Variants in NALF1 observed in about 807,000 individuals in gnomAD.
NALF1 encodes NALCN channel auxiliary factor 1, also known as family with sequence similarity 155 member A.
NALF1 carries 3 observed loss-of-function variants against 48.4 expected under a neutral mutation model. That is an observed-to-expected ratio of 0.06 (90% CI 0.03 to 0.16). The LOEUF (loss-of-function observed/expected upper bound fraction) is 0.16. Among genes scored for constraint, NALF1 ranks in the 10% least tolerant of loss-of-function variants. NALF1 has a pLI of 1.00. For synonymous variants in NALF1, 262 were observed against 245.7 expected (o/e 1.07, Z -0.62); for missense variants, 526 against 571.5 (o/e 0.92, Z 0.81).
At chr13:107,182,652 A>T (rs1420743327) in intron 2 of NALF1, among the ~76,000 whole-genome samples, 1 of 152,172 alleles carries the variant, frequency 6.6e-6, no homozygotes, top group Non-Finnish European at 1.5e-5. Flanking sequence ...CTTATCCTTT[A>T]AAAAATCGCA....
intron 1 of NALF1, among the ~76,000 whole-genome samples, chr13:107,697,066 GA>G (rs1201964660): frequency 1.3e-5 from 2 of 151,954 alleles, no homozygotes; most frequent in Non-Finnish European, 2.9e-5. Context: ...AAAAAACAAA[GA>G]ATTTGCTATG....
At chr13:107,653,309 T>C (rs1011031820) in intron 1 of NALF1, among the ~76,000 whole-genome samples, 2 of 149,756 alleles carry the variant, frequency 1.3e-5, no homozygotes, top group Non-Finnish European at 3.0e-5. Context: ...GAGAAGGAAA[T>C]TGGGAGTTAC....
At chr13:107,382,860 G>A (rs1194067372) in intron 1 of NALF1, among the ~76,000 whole-genome samples, 1 of 152,186 alleles carries the variant, frequency 6.6e-6, no homozygotes, top group Non-Finnish European at 1.5e-5. Context: ...TTGGCTAAGT[G>A]GCTGGTGTTA....
chr13:107,364,912 T>C, intron 1 of NALF1, among the ~76,000 whole-genome samples: 1 of 139,840 alleles, frequency 7.2e-6, no homozygotes, highest in African/African-American at 2.7e-5. Flanking sequence ...CCTCTCCCTC[T>C]CCCTCTCCCC....
chr13:107,691,467 C>T (rs555364758), intron 1 of NALF1, among the ~76,000 whole-genome samples: 5 of 152,318 alleles, frequency 3.3e-5, no homozygotes, highest in South Asian at 4.1e-4. Flanking sequence ...ATGGCCCACA[C>T]GCCCTTTGCC....
chr13:107,699,001 A>T (rs548508946), intron 1 of NALF1, among the ~76,000 whole-genome samples: 4 of 152,272 alleles, frequency 2.6e-5, no homozygotes, highest in Middle Eastern at 3.4e-3. Context: ...TACAAGTGGA[A>T]GGAAAAAATA....
At chr13:107,254,729 T>C (rs1188794512) in intron 1 of NALF1, among the ~76,000 whole-genome samples, 3 of 152,214 alleles carry the variant, frequency 2.0e-5, no homozygotes, top group East Asian at 1.9e-4. Context: ...AACCTCTTTT[T>C]CATTACTACT....
chr13:107,354,421 G>C (rs1273475195), intron 1 of NALF1, among the ~76,000 whole-genome samples: 1 of 152,090 alleles, frequency 6.6e-6, no homozygotes, highest in Non-Finnish European at 1.5e-5. Flanking sequence ...CAGCCAGACA[G>C]AGGTCTACTC....
chr13:107,431,437 A>G (rs1566339621), intron 1 of NALF1, among the ~76,000 whole-genome samples: 1 of 152,212 alleles, frequency 6.6e-6, no homozygotes, highest in African/African-American at 2.4e-5. Context: ...AATTTGGACA[A>G]CAAATAATTT....
chr13:107,303,677 T>C (rs973974567), intron 1 of NALF1, among the ~76,000 whole-genome samples: 1 of 152,180 alleles, frequency 6.6e-6, no homozygotes, highest in African/African-American at 2.4e-5. Flanking sequence ...CACAATTACA[T>C]AGCCTATGGC....
chr13:107,178,736 G>T (rs1878993312), intron 2 of NALF1, among the ~76,000 whole-genome samples: 1 of 152,136 alleles, frequency 6.6e-6, no homozygotes, highest in Admixed American at 6.5e-5. Flanking sequence ...GAGGTCAGGA[G>T]ATCAAGACCA....
rs1447396997 is a variant in NALF1, at chr13:107,828,548, TAG to T, written c.915+37132_915+37133del. On this transcript the variant is annotated intron_variant, in intron 1 of 2. Transcript: ENST00000375915. Reference sequence around the variant, plus strand: ...ACACTGTGAGGAAATTCAGAATAGGTAGAGAGTCATATTAAATTCTATCTATC... The same window carrying T: ...ACACTGTGAGGAAATTCAGAATAGGTAGAGTCATATTAAATTCTATCTATC... Among the ~76,000 whole-genome samples, 3 of 147,052 alleles carry T rather than the reference TAG, an allele frequency of 2.0e-5. No individual in the cohort carries two copies. The Admixed American group carries it at 2.1e-4, about 10-fold the overall frequency.
chr13:107,292,281 T>C (rs1000282915), intron 1 of NALF1, among the ~76,000 whole-genome samples: 1 of 152,204 alleles, frequency 6.6e-6, no homozygotes, highest in Non-Finnish European at 1.5e-5. Flanking sequence ...ATGCCATGAA[T>C]GGAGCTTGCA....
At chr13:107,401,788 A>G (rs1011746751) in intron 1 of NALF1, among the ~76,000 whole-genome samples, 1 of 152,172 alleles carries the variant, frequency 6.6e-6, no homozygotes, top group Non-Finnish European at 1.5e-5. Flanking sequence ...TGCATAATAC[A>G]TTTAGGATAG....
At chr13:107,514,480 A>G (rs531030497) in intron 1 of NALF1, among the ~76,000 whole-genome samples, 6 of 150,344 alleles carry the variant, frequency 4.0e-5, no homozygotes, top group South Asian at 2.1e-4. Context: ...CTATAAATCA[A>G]TTTTTTTTGG....
At chr13:107,317,804 T>C (rs7334584) in intron 1 of NALF1, among the ~76,000 whole-genome samples, 70,336 of 151,558 alleles carry the variant, frequency 0.46, 16,658 homozygotes, top group South Asian at 0.59. Context: ...AACAATGAGA[T>C]AAAATTGAGA....
At chr13:107,425,880 G>A (rs1884270892) in intron 1 of NALF1, among the ~76,000 whole-genome samples, 1 of 151,798 alleles carries the variant, frequency 6.6e-6, no homozygotes, top group African/African-American at 2.4e-5. Context: ...CTATGATATT[G>A]GATGTCTACA....
chr13:107,456,352 A>G (rs1884826009), intron 1 of NALF1, among the ~76,000 whole-genome samples: 1 of 152,234 alleles, frequency 6.6e-6, no homozygotes, highest in Non-Finnish European at 1.5e-5. Flanking sequence ...TGACATTTAT[A>G]ATTAATTTTT....
intron 1 of NALF1, among the ~76,000 whole-genome samples, chr13:107,863,764 A>C (rs1045333590): frequency 4.6e-5 from 7 of 152,214 alleles, no homozygotes; most frequent in Non-Finnish European, 2.9e-5. Flanking sequence ...TGATGTAAAT[A>C]TACAGTTGAG....
Sources: allele counts gnomAD v4.1 joint callset (sites outside exome capture counted in the v4.1 genomes callset), GRCh38; gene constraint gnomAD v4.1.1; transcripts MANE v1.5; gene names NCBI Gene and HGNC (gene_info 2026-07-23, HGNC 2026-07-21).